The following ARL15 variants were observed in gnomAD, a reference collection of about 807,000 sequenced individuals.
ARL15 encodes ARF like GTPase 15.
In ARL15, 19 loss-of-function variants were observed where a neutral mutation model predicts 25.2. That is an observed-to-expected ratio of 0.75 (90% CI 0.53 to 1.10). The LOEUF (loss-of-function observed/expected upper bound fraction) is 1.10, where lower values mean the gene tolerates loss of function less well. Among genes scored for constraint, ARL15 ranks in the 50% least tolerant of loss-of-function variants. ARL15 has a pLI of 0.00. For missense variants in ARL15, 220 were observed against 246.0 expected, an observed-to-expected ratio of 0.89 and a Z score of 0.71; for synonymous variants, 94 against 86.8, an observed-to-expected ratio of 1.08 and a Z score of -0.46.
chr5:54,075,830 G>C (rs541745956), intron 4 of ARL15, among the ~76,000 whole-genome samples: 1 of 152,048 alleles, frequency 6.6e-6, no homozygotes, highest in Non-Finnish European at 1.5e-5. Flanking sequence ...ATTTAATCTT[G>C]TATTTAAGTT....
At chr5:54,029,428 G>A (rs1014252014) in intron 4 of ARL15, among the ~76,000 whole-genome samples, 3 of 134,796 alleles carry the variant, frequency 2.2e-5, no homozygotes, top group Non-Finnish European at 4.6e-5. Context: ...CTCTCAAAGA[G>A]TTTACAATCT....
intron 1 of ARL15, among the ~76,000 whole-genome samples, chr5:54,243,058 A>G (rs1204158371): frequency 6.6e-6 from 1 of 152,216 alleles, no homozygotes; most frequent in African/African-American, 2.4e-5. Context: ...TTTTTGAATC[A>G]TTTAATTATT....
chr5:53,937,808 G>A (rs1330592525), intron 4 of ARL15, among the ~76,000 whole-genome samples: 1 of 147,076 alleles, frequency 6.8e-6, no homozygotes, highest in Non-Finnish European at 1.5e-5. Flanking sequence ...TGTGATCAGG[G>A]GTACACTATG....
chr5:53,963,272 A>G (rs1338701465), intron 4 of ARL15, among the ~76,000 whole-genome samples: 2 of 152,122 alleles, frequency 1.3e-5, no homozygotes, highest in Admixed American at 6.5e-5. Flanking sequence ...GTTTTCCAAA[A>G]CTTTTGCAGA....
intron 4 of ARL15, among the ~76,000 whole-genome samples, chr5:53,941,892 G>A (rs1388410067): frequency 2.0e-5 from 3 of 152,136 alleles, no homozygotes; most frequent in Non-Finnish European, 2.9e-5. Flanking sequence ...AGAAAGCTAA[G>A]CAAGGCCTGG....
chr5:54,211,386 T>C (rs563352310), intron 1 of ARL15, among the ~76,000 whole-genome samples: 1 of 151,766 alleles, frequency 6.6e-6, no homozygotes, highest in African/African-American at 2.4e-5. Flanking sequence ...ATCTGAGCAT[T>C]AGAAAATAAT....
intron 1 of ARL15, among the ~76,000 whole-genome samples, chr5:54,202,014 C>A (rs1039323840): frequency 1.3e-4 from 20 of 152,080 alleles, no homozygotes; most frequent in African/African-American, 4.8e-4. Flanking sequence ...GAGTATATGG[C>A]ACAAATAAAT....
intron 4 of ARL15, among the ~76,000 whole-genome samples, chr5:54,014,553 C>T (rs116151267): frequency 0.012 from 1,826 of 150,786 alleles, 42 homozygotes; most frequent in African/African-American, 0.042. Context: ...TAGAGTCTTG[C>T]TCTGTCGCCT....
intron 1 of ARL15, among the ~76,000 whole-genome samples, chr5:54,184,620 A>C (rs1187305376): frequency 6.8e-6 from 1 of 147,360 alleles, no homozygotes; most frequent in Admixed American, 6.7e-5. Flanking sequence ...TATAACAAAA[A>C]AAAAAAAAAA....
chr5:54,053,981 G>A (rs747054224), intron 4 of ARL15, among the ~76,000 whole-genome samples: 13 of 152,110 alleles, frequency 8.5e-5, no homozygotes, highest in Non-Finnish European at 7.4e-5. Flanking sequence ...AGGAAAATGG[G>A]TATGGGATAC....
intron 1 of ARL15, among the ~76,000 whole-genome samples, chr5:54,292,969 T>C (rs1476720038): frequency 6.6e-6 from 1 of 152,192 alleles, no homozygotes; most frequent in Non-Finnish European, 1.5e-5. Context: ...TAAGTAGAAA[T>C]TGAATTTTAA....
chr5:54,303,909 A>G (rs1758684150), intron 1 of ARL15, among the ~76,000 whole-genome samples: 1 of 152,084 alleles, frequency 6.6e-6, no homozygotes, highest in Non-Finnish European at 1.5e-5. Context: ...GCTGAAGATC[A>G]CCTCAGTGGC....
intron 1 of ARL15, among the ~76,000 whole-genome samples, chr5:54,259,331 A>G (rs935807981): frequency 6.6e-6 from 1 of 152,156 alleles, no homozygotes; most frequent in African/African-American, 2.4e-5. Context: ...TCTGTCATCC[A>G]TTCCTGATGA....
At chr5:54,123,111 C>A (rs79478091) in intron 3 of ARL15, among the ~76,000 whole-genome samples, 1 of 150,686 alleles carries the variant, frequency 6.6e-6, no homozygotes, top group African/African-American at 2.4e-5. Flanking sequence ...TTTTTATATT[C>A]CTTTTTTTTT....
intron 1 of ARL15, among the ~76,000 whole-genome samples, chr5:54,291,966 A>G (rs546856823): frequency 4.3e-4 from 66 of 152,270 alleles, no homozygotes; most frequent in African/African-American, 1.5e-3. Flanking sequence ...TGAGATTCCT[A>G]TGAGCAGCTA....
intron 4 of ARL15, among the ~76,000 whole-genome samples, chr5:54,032,926 T>C (rs966546549): frequency 2.0e-5 from 3 of 152,150 alleles, no homozygotes; most frequent in African/African-American, 7.2e-5. Flanking sequence ...AATGTTTTAC[T>C]TGATCCCCAT....
At chr5:54,048,550 C>T (rs1750606337) in intron 4 of ARL15, among the ~76,000 whole-genome samples, 2 of 146,114 alleles carry the variant, frequency 1.4e-5, no homozygotes. Context: ...TTTACAGGCA[C>T]CTGCCACCAC....
At chr5:54,081,145 G>C (rs532714902) in intron 4 of ARL15, among the ~76,000 whole-genome samples, 1 of 152,172 alleles carries the variant, frequency 6.6e-6, no homozygotes, top group East Asian at 1.9e-4. Flanking sequence ...GCACAAGTTG[G>C]TCCATAACTT....
At chr5:54,115,014 G>A (rs1262147813) in intron 3 of ARL15, among the ~76,000 whole-genome samples, 1 of 152,190 alleles carries the variant, frequency 6.6e-6, no homozygotes, top group African/African-American at 2.4e-5. Context: ...TGGCTGGCAA[G>A]GGTCACCTGT....
Sources: allele counts gnomAD v4.1 joint callset (sites outside exome capture counted in the v4.1 genomes callset), GRCh38; gene constraint gnomAD v4.1.1; transcripts MANE v1.5; gene names NCBI Gene and HGNC (gene_info 2026-07-23, HGNC 2026-07-21).